The following SCGB2B2 variants were observed in gnomAD, a reference collection of about 807,000 sequenced individuals.
SCGB2B2 encodes secretoglobin family 2B member 2, also known as secretoglobin-like protein.
Under a neutral mutation model 7.6 loss-of-function variants are expected in SCGB2B2, and 11 were observed. That is an observed-to-expected ratio of 1.45 (90% CI 0.91 to 2.40). The LOEUF is 2.40. SCGB2B2 is among the 30% of genes most tolerant of loss of function. The pLI is 0.00. For synonymous variants in SCGB2B2, 50 were observed against 48.6 expected, an observed-to-expected ratio of 1.03 and a Z score of -0.12; for missense variants, 104 against 115.4, an observed-to-expected ratio of 0.90 and a Z score of 0.45.
intron 1 of SCGB2B2, among the ~76,000 whole-genome samples, chr19:34,623,835 G>A (rs2066299996): frequency 6.6e-6 from 1 of 152,142 alleles, no homozygotes; most frequent in Non-Finnish European, 1.5e-5. Flanking sequence ...GTTGTGTTTA[G>A]GACAGGTGCC....
At chr19:34,587,519 T>C (rs2065209176), downstream of SCGB2B2, among the ~76,000 whole-genome samples, 1 of 152,188 alleles carries the variant, frequency 6.6e-6, no homozygotes, top group South Asian at 2.1e-4. Flanking sequence ...ATGCCCTTTG[T>C]TTCTTTTTCT....
chr19:34,603,795 CTTTTT>C (rs71165672), intron 1 of SCGB2B2, among the ~76,000 whole-genome samples: 3 of 131,268 alleles, frequency 2.3e-5, no homozygotes, highest in African/African-American at 5.5e-5. Flanking sequence ...TGTTTTATTA[CTTTTT>C]TTTTTTTTTT....
At chr19:34,611,243 T>TAA (rs2065918079) in intron 1 of SCGB2B2, among the ~76,000 whole-genome samples, 1 of 152,190 alleles carries the variant, frequency 6.6e-6, no homozygotes, top group South Asian at 2.1e-4. Flanking sequence ...AATGGTCTGT[T>TAA]GATTATTTTT....
chr19:34,665,799 G>A (rs1020145646), intron 1 of SCGB2B2, among the ~76,000 whole-genome samples: 3 of 152,050 alleles, frequency 2.0e-5, no homozygotes, highest in Non-Finnish European at 4.4e-5. Flanking sequence ...CCCAGCCCTG[G>A]GAGGCCCAGA....
At chr19:34,640,936 A>G (rs2066823183) in intron 1 of SCGB2B2, among the ~76,000 whole-genome samples, 1 of 152,146 alleles carries the variant, frequency 6.6e-6, no homozygotes. Context: ...CCACTTGGTT[A>G]TATCTCCTAA....
intron 1 of SCGB2B2, chr19:34,645,741 G>A: frequency 2.6e-6 from 1 of 377,372 alleles, no homozygotes; most frequent in Non-Finnish European, 5.3e-6. Flanking sequence ...GAAGCGGGCA[G>A]GGCTGAGAGG....
At chr19:34,662,308 G>C (rs1030699049) in intron 1 of SCGB2B2, among the ~76,000 whole-genome samples, 6 of 151,982 alleles carry the variant, frequency 3.9e-5, no homozygotes, top group African/African-American at 1.5e-4. Flanking sequence ...AAAAAGAAAG[G>C]GAGTTCTTAC....
intron 1 of SCGB2B2, among the ~76,000 whole-genome samples, chr19:34,619,435 A>C (rs2066180551): frequency 6.6e-6 from 1 of 152,154 alleles, no homozygotes; most frequent in African/African-American, 2.4e-5. Context: ...ACTAAAGGCA[A>C]CCTTCTACAT....
At chr19:34,635,184 C>A (rs2066642013) in intron 1 of SCGB2B2, 1 of 296,330 alleles carries the variant, frequency 3.4e-6, no homozygotes, top group Admixed American at 3.8e-5. Context: ...ATTCATAAGG[C>A]CTGGCTCCAC....
At chr19:34,625,878 CAGTCTG>C (rs1253317970) in intron 1 of SCGB2B2, among the ~76,000 whole-genome samples, 7 of 152,174 alleles carry the variant, frequency 4.6e-5, no homozygotes, top group Admixed American at 3.9e-4. Flanking sequence ...CCAGTAGGGG[CAGTCTG>C]ACACCTCACA....
chr19:34,630,909 A>G (rs1278924051), intron 1 of SCGB2B2, among the ~76,000 whole-genome samples: 1 of 151,896 alleles, frequency 6.6e-6, no homozygotes, highest in Non-Finnish European at 1.5e-5. Context: ...TGTGGCACAT[A>G]TACACCATGG....
intron 1 of SCGB2B2, among the ~76,000 whole-genome samples, chr19:34,606,296 G>T (rs1489061689): frequency 6.6e-6 from 1 of 151,962 alleles, no homozygotes; most frequent in African/African-American, 2.4e-5. Flanking sequence ...ATAGATTTAA[G>T]ATCATATTTA....
intron 1 of SCGB2B2, among the ~76,000 whole-genome samples, chr19:34,623,455 C>G (rs2066290753): frequency 6.6e-6 from 1 of 152,186 alleles, no homozygotes; most frequent in Non-Finnish European, 1.5e-5. Context: ...CCTCCTTCTC[C>G]TCTTTCCTCC....
At chr19:34,641,083 A>T (rs1322390356) in intron 1 of SCGB2B2, among the ~76,000 whole-genome samples, 1 of 60,628 alleles carries the variant, frequency 1.6e-5, no homozygotes, top group Non-Finnish European at 3.5e-5. Context: ...TCACACCCCA[A>T]ACAAAGATTA....
intron 1 of SCGB2B2, chr19:34,645,535 GACACAGACACACACACAC>G (rs1271586803): frequency 5.3e-4 from 74 of 138,426 alleles, no homozygotes; most frequent in South Asian, 2.6e-3. Context: ...GACACACACA[GACACAGACACACACACAC>G]ACACACACAC....
intron 1 of SCGB2B2, among the ~76,000 whole-genome samples, chr19:34,668,539 C>A (rs2067704860): frequency 6.6e-6 from 1 of 152,198 alleles, no homozygotes; most frequent in African/African-American, 2.4e-5. Flanking sequence ...TGGTGCACGG[C>A]GCGGGACTGG....
At chr19:34,607,047 C>G (rs917709546) in intron 1 of SCGB2B2, among the ~76,000 whole-genome samples, 4 of 152,202 alleles carry the variant, frequency 2.6e-5, no homozygotes, top group Non-Finnish European at 5.9e-5. Context: ...TCATTCATCC[C>G]CCGGCTACAC....
intron 1 of SCGB2B2, among the ~76,000 whole-genome samples, chr19:34,658,705 T>C (rs957801782): frequency 7.3e-5 from 11 of 150,430 alleles, no homozygotes; most frequent in Non-Finnish European, 1.5e-4. Flanking sequence ...CTTCTGAAAC[T>C]ATTCCAATCA....
Position 34,593,373 on chromosome 19 carries a change from C to G in SCGB2B2, c.*182G>C, listed in dbSNP as rs544217281. 1.3e-5 allele frequency: 7 copies of G among 553,336 alleles called. No homozygotes were observed. The East Asian group carries it at 1.7e-4, about 14-fold the overall frequency. The allele number at this position is 553,336 out of a possible 1,614,324, so 34.3% of individuals were successfully genotyped here. A position where few individuals can be genotyped will look rare whatever the true frequency, so the allele number is the denominator to read the frequency against. ...TTTTCCTCAGTCGCATATTTTCACA[C>G]TGGGACCCTGGTCACACTCTGCATA... On this transcript the variant is annotated 3_prime_UTR_variant, in exon 4 of 4. Coordinates refer to ENST00000601241, the MANE Select transcript of SCGB2B2 (RefSeq NM_001025591.4).
Sources: gnomAD v4.1 joint callset for allele counts (sites outside exome capture counted in the v4.1 genomes callset) on GRCh38, gnomAD v4.1.1 for gene constraint, MANE v1.5 for transcripts, NCBI Gene and HGNC (gene_info 2026-07-23, HGNC 2026-07-21) for gene names.